The following LOX variants were observed in gnomAD, a reference collection of about 807,000 sequenced individuals.
LOX encodes the protein protein-lysine 6-oxidase.
Under a neutral mutation model 50.5 loss-of-function variants are expected in LOX, and 12 were observed. The ratio of observed to expected loss-of-function variants is 0.24; its 90% CI spans 0.15 to 0.38. The LOEUF (loss-of-function observed/expected upper bound fraction) is 0.38. Ranked by LOEUF, LOX falls within the 10% of genes least tolerant of loss-of-function variation. The probability of loss-of-function intolerance (pLI) is 1.00; values close to 1 mark genes in which losing one functional copy is unlikely to be tolerated. For synonymous variants in LOX, 254 were observed against 230.6 expected (o/e 1.10, Z -0.92); for missense variants, 504 against 563.8 (o/e 0.89, Z 1.07).
chr5:122,074,793 A>G (rs943948770), intron 3 of LOX, among the ~76,000 whole-genome samples: 1 of 152,226 alleles, frequency 6.6e-6, no homozygotes, highest in African/African-American at 2.4e-5. Flanking sequence ...TAAGGAAAAA[A>G]CAATGAGGAC....
chr5:122,075,335 T>C (rs995527487), intron 3 of LOX, 69 bp downstream of exon 3: 1 of 1,379,214 alleles, frequency 7.3e-7, no homozygotes, highest in African/African-American at 1.4e-5. Context: ...AGACTTGCAT[T>C]TGTGATATCA....
At position 122,064,490 on chromosome 5, in the gene LOX, T is replaced by G. The variant is rs369039393; in HGVS notation, c.*2253A>C. 103 of 151,918 alleles carry G rather than the reference T, an allele frequency of 6.8e-4. No homozygotes were observed. The highest frequency in any genetic ancestry group is 2.4e-3 in the African/African-American group (101 of 41,408). The allele number at this position is 151,918 out of a possible 1,614,324, so 9.4% of individuals were successfully genotyped here. A position where few individuals can be genotyped will look rare whatever the true frequency, so the allele number is the denominator to read the frequency against. On this transcript the variant is annotated 3_prime_UTR_variant, in exon 7 of 7. Transcript: ENST00000231004. ...ATTAACCAAATAGTAGGTGTTATAT[T>G]TAAAAGGCAGACATTTCAGGGATTG...
chr5:122,075,570 A>G, intron 2 of LOX, 29 bp from the exon 3 acceptor site: 2 of 1,460,266 alleles, frequency 1.4e-6, no homozygotes, highest in Non-Finnish European at 1.9e-6. Context: ...AAAAATTATT[A>G]TATTCATGGA....
rs1754266329 is a variant in LOX, at chr5:122,065,143, G to T, written c.*1600C>A. 1 of 151,984 alleles carries T rather than the reference G, an allele frequency of 6.6e-6. No homozygotes were observed. Among genetic ancestry groups the T allele is most frequent in the South Asian group, 2.1e-4 (1 of 4,814 alleles). The allele number at this position is 151,984 out of a possible 1,614,324, so 9.4% of individuals were successfully genotyped here. Reference sequence around the variant, plus strand: ...TTGTCTACTGGTAAGCTTGTGCCCTGGTGGCTAAGGATCATATGTACCGCT... The same window carrying T: ...TTGTCTACTGGTAAGCTTGTGCCCTTGTGGCTAAGGATCATATGTACCGCT... On this transcript the variant is annotated 3_prime_UTR_variant, in exon 7 of 7. Coordinates refer to ENST00000231004, the MANE Select transcript of LOX (RefSeq NM_002317.7).
rs1754414204 is a variant in LOX at position 122,070,356 on chromosome 5, G to T, written c.1131+138C>A. 4.6e-6 allele frequency: 3 copies of T among 645,252 alleles called. No individual in the cohort carries two copies. In the East Asian group the frequency reaches 8.2e-5, roughly 18 times the overall value. The allele number at this position is 645,252 out of a possible 1,614,324, so 40.0% of individuals were successfully genotyped here. A position where few individuals can be genotyped will look rare whatever the true frequency, so the allele number is the denominator to read the frequency against. On this transcript the variant is annotated intron_variant, in intron 5 of 6. Coordinates refer to ENST00000231004, the MANE Select transcript of LOX (RefSeq NM_002317.7). ...AAGTTCTTTAAAATAAGACAGATTA[G>T]ATTAGATTAGATTGTTTATAAATAG... is the stretch of plus-strand genomic sequence containing the variant.
chr5:122,067,756 C>T (rs1452745491), intron 6 of LOX, among the ~76,000 whole-genome samples: 1 of 152,152 alleles, frequency 6.6e-6, no homozygotes, highest in Non-Finnish European at 1.5e-5. Flanking sequence ...TCCAAACATG[C>T]CCTGCAGTTT....
At chr5:122,073,924 T>C (rs1754531705) in intron 4 of LOX, 89 bp downstream of exon 4, 1 of 1,230,216 alleles carries the variant, frequency 8.1e-7, no homozygotes, top group East Asian at 2.3e-5. Context: ...GTGTGTGCTC[T>C]TCATGAAATG....
In LOX at chr5:122,070,094, G is replaced by A. The variant is rs998646101; in HGVS notation, c.1206C>T (p.Tyr402=). The A allele has an allele frequency of 1.2e-6, 2 of 1,613,248 alleles. No homozygotes were observed. The highest frequency in any genetic ancestry group is 1.7e-6 in the Non-Finnish European group (2 of 1,179,356). The change falls in exon 6 of 7, where the codon TAC becomes TAT. Residue 402 remains tyrosine (Y), a synonymous_variant. Transcript: ENST00000231004. ...CTGAGGCATACGCATGATGTCCTGT[G>A]TAGCGAATGTCACAGCGCACAACAT... ...TNNVVRCDIR[Y]TGHHAYASGC... is the part of the protein sequence containing the mutation.
chr5:122,070,188 C>T lies in LOX; in HGVS notation c.1132-20G>A, dbSNP rs1754410123. On this transcript the variant is annotated intron_variant, in intron 5 of 6. Transcript: ENST00000231004. ...ACTGACCTGGGCAACACAAAGAGTTCCTCAGTATTTCTTTTTCCATAGGGC... is the reference window on the plus strand; with the variant it reads ...ACTGACCTGGGCAACACAAAGAGTTTCTCAGTATTTCTTTTTCCATAGGGC... The T allele has an allele frequency of 3.8e-6, 5 of 1,331,412 alleles. No individual in the cohort carries two copies. Among genetic ancestry groups the T allele is most frequent in the Non-Finnish European group, 5.4e-6 (5 of 923,172 alleles). The allele number at this position is 1,331,412 out of a possible 1,614,324, so 82.5% of individuals were successfully genotyped here.
intron 6 of LOX, 170 bp downstream of exon 6, chr5:122,069,883 C>T (rs1296938966): frequency 4.6e-6 from 3 of 657,578 alleles, no homozygotes; most frequent in African/African-American, 1.8e-5. Context: ...TTCTCCTTTG[C>T]CTTCCATTAT....
Position 122,077,132 on chromosome 5 carries a change from A to G in LOX, c.632-131T>C. 1.4e-6 allele frequency: 2 copies of G among 1,480,820 alleles called. No individual in the cohort carries two copies. Among genetic ancestry groups the G allele is most frequent in the Non-Finnish European group, 1.8e-6 (2 of 1,121,198 alleles). The allele number at this position is 1,480,820 out of a possible 1,614,324, so 91.7% of individuals were successfully genotyped here. On this transcript the variant is annotated intron_variant, in intron 1 of 6. Transcript: ENST00000231004. The surrounding 1 kb of genome is among the most constrained non-coding windows in gnomAD (Gnocchi z 4.9). ...ACTGCAGAGTGGAGCGGAGGACAGC[A>G]AGAGAACTGGGGACGCCCGGGACTG...
chr5:122,077,130 G>T lies in LOX; in HGVS notation c.632-129C>A. On this transcript the variant is annotated intron_variant, in intron 1 of 6. Coordinates refer to ENST00000231004, the MANE Select transcript of LOX (RefSeq NM_002317.7). The surrounding 1 kb of genome is among the most constrained non-coding windows in gnomAD (Gnocchi z 4.9). ...GGACTGCAGAGTGGAGCGGAGGACA[G>T]CAAGAGAACTGGGGACGCCCGGGAC... The T allele has an allele frequency of 6.7e-7, 1 of 1,481,804 alleles. No homozygotes were observed. The highest frequency in any genetic ancestry group is 8.9e-7 in the Non-Finnish European group (1 of 1,121,698). The allele number at this position is 1,481,804 out of a possible 1,614,324, so 91.8% of individuals were successfully genotyped here.
chr5:122,065,245 T>C lies in LOX; in HGVS notation c.*1498A>G, dbSNP rs140189336. 2 of 152,214 alleles carry C rather than the reference T, an allele frequency of 1.3e-5. No individual in the cohort carries two copies. Among genetic ancestry groups the C allele is most frequent in the African/African-American group, 4.8e-5 (2 of 41,550 alleles). 9.4% of individuals were successfully genotyped at this position (152,214 alleles called of 1,614,324 possible). On this transcript the variant is annotated 3_prime_UTR_variant, in exon 7 of 7. Coordinates refer to ENST00000231004, the MANE Select transcript of LOX (RefSeq NM_002317.7). ...CACCCAGTGAGTGCAGAATGATTACTAGTAATTGATGTTGACTTTACAATT... is the reference window on the plus strand; with the variant it reads ...CACCCAGTGAGTGCAGAATGATTACCAGTAATTGATGTTGACTTTACAATT...
chr5:122,077,066 A>AC lies in LOX; in HGVS notation c.632-66dup, dbSNP rs1754659694. The AC allele has an allele frequency of 1.3e-6, 2 of 1,591,408 alleles. No individual in the cohort carries two copies. Among genetic ancestry groups the AC allele is most frequent in the African/African-American group, 2.7e-5 (2 of 74,762 alleles). ...CCGGCGCCCCCCGCTCCAACTCCCT[A>AC]CCCCTCTAGGTCCCTTACTCCTCAC... On this transcript the variant is annotated intron_variant, in intron 1 of 6. Coordinates refer to ENST00000231004, the MANE Select transcript of LOX (RefSeq NM_002317.7). This position sits in a 1 kb window ranked among gnomAD's most constrained non-coding sequence, Gnocchi z 4.9.
chr5:122,070,729 C>T (rs1754426206), intron 4 of LOX, 140 bp from the exon 5 acceptor site: 1 of 533,572 alleles, frequency 1.9e-6, no homozygotes, highest in Non-Finnish European at 3.3e-6. Flanking sequence ...TTTCATCTCC[C>T]TTGAGAAGTA....
chr5:122,075,746 A>G (rs187127081), intron 2 of LOX, among the ~76,000 whole-genome samples: 3 of 152,310 alleles, frequency 2.0e-5, no homozygotes, highest in African/African-American at 4.8e-5. Flanking sequence ...TCAGAGCTCA[A>G]TGAATATTTG....
In LOX at chr5:122,076,935, A is replaced by G. The variant is rs1203845724; in HGVS notation, c.698T>C (p.Met233Thr). ...CTCCGCCGCGCATCTCAGGTTGTAC[A>G]TGGACATCTTCTGCACGTACGTGGA... ...QASTYVQKMS[M>T]YNLRCAAEEN... The change falls in exon 2 of 7, where the codon ATG becomes ACG. Residue 233 changes from methionine (M) to threonine (T), a missense_variant. By Grantham distance (81) the Met-to-Thr change is moderately conservative. Transcript: ENST00000231004. 5 of 1,613,692 alleles carry G rather than the reference A, an allele frequency of 3.1e-6. No individual in the cohort carries two copies. The highest frequency in any genetic ancestry group is 1.3e-5 in the African/African-American group (1 of 74,800).
rs909348581 is a variant in LOX at position 122,065,025 on chromosome 5, A to G, written c.*1718T>C. 3.3e-5 allele frequency: 5 copies of G among 152,108 alleles called. No individual in the cohort carries two copies. Among genetic ancestry groups the G allele is most frequent in the African/African-American group, 9.7e-5 (4 of 41,428 alleles). 9.4% of individuals were successfully genotyped at this position (152,108 alleles called of 1,614,324 possible). A position where few individuals can be genotyped will look rare whatever the true frequency, so the allele number is the denominator to read the frequency against. On this transcript the variant is annotated 3_prime_UTR_variant, in exon 7 of 7. Coordinates refer to ENST00000231004, the MANE Select transcript of LOX (RefSeq NM_002317.7). ...TTACAATTTGAAAGGATCATTCTAC[A>G]ATCTTAGAACTAAAAAGCAATTTAA...
rs1469797826 is a variant in LOX, at chr5:122,078,146, G to C, written c.-161C>G. ...CAAGCAATGCCAAGGGTGGGATTCAGACCCTTCCCCAGTCAAGGCGGCTGC... is the reference window on the plus strand; with the variant it reads ...CAAGCAATGCCAAGGGTGGGATTCACACCCTTCCCCAGTCAAGGCGGCTGC... On this transcript the variant is annotated 5_prime_UTR_variant, in exon 1 of 7. Transcript: ENST00000231004. 3.4e-6 allele frequency: 2 copies of C among 595,628 alleles called. No individual in the cohort carries two copies. Among genetic ancestry groups the C allele is most frequent in the East Asian group, 6.9e-5 (2 of 28,996 alleles). The allele number at this position is 595,628 out of a possible 1,614,324, so 36.9% of individuals were successfully genotyped here.
Sources: allele counts gnomAD v4.1 joint callset (sites outside exome capture counted in the v4.1 genomes callset), GRCh38; gene constraint gnomAD v4.1.1; non-coding constraint Gnocchi (gnomAD v3.1); transcripts MANE v1.5; gene names NCBI Gene and HGNC (gene_info 2026-07-23, HGNC 2026-07-21).